Variants in PTCD3 observed in about 807,000 individuals in gnomAD.
PTCD3 encodes small ribosomal subunit protein mS39.
Under a neutral mutation model 101.9 loss-of-function variants are expected in PTCD3, and 89 were observed. The observed-to-expected ratio is 0.87, with a 90% CI of 0.74 to 1.04. The LOEUF (loss-of-function observed/expected upper bound fraction) is 1.04. PTCD3 is among the 50% of genes least tolerant of loss of function. The pLI is 0.00. For missense variants in PTCD3, 870 were observed against 828.2 expected (o/e 1.05, Z -0.62); for synonymous variants, 296 against 278.5 (o/e 1.06, Z -0.63).
intron 7 of PTCD3, among the ~76,000 whole-genome samples, chr2:86,120,871 G>A (rs919985003): frequency 6.6e-6 from 1 of 152,178 alleles, no homozygotes; most frequent in Non-Finnish European, 1.5e-5. Flanking sequence ...CAGCCTGGGC[G>A]ACAGAATGAG....
chr2:86,111,977 C>T (rs1674093994), intron 4 of PTCD3: 1 of 151,636 alleles, frequency 6.6e-6, no homozygotes, highest in Admixed American at 6.6e-5. Flanking sequence ...CTCCTGACCT[C>T]AGGTGATCCA....
intron 12 of PTCD3, among the ~76,000 whole-genome samples, chr2:86,126,298 G>T (rs998888152): frequency 2.0e-5 from 3 of 151,880 alleles, no homozygotes; most frequent in African/African-American, 7.3e-5. Flanking sequence ...CATGTGTATG[G>T]CAGTCACTGT....
chr2:86,127,623 G>C (rs1219204623), intron 13 of PTCD3: 1 of 472,192 alleles, frequency 2.1e-6, no homozygotes, highest in Admixed American at 3.9e-5. Context: ...GTGTGTGCTA[G>C]TGTATTGTAT....
chr2:86,132,139 TAATA>T (rs909147142), intron 16 of PTCD3, among the ~76,000 whole-genome samples, 175 bp from the exon 17 acceptor site: 1 of 152,218 alleles, frequency 6.6e-6, no homozygotes, highest in Non-Finnish European at 1.5e-5. Context: ...AATAATATTG[TAATA>T]AATTTCACAG....
chr2:86,135,874 C>T, intron 21 of PTCD3: 1 of 515,838 alleles, frequency 1.9e-6, no homozygotes, highest in South Asian at 1.4e-5. Flanking sequence ...TACAACCAGG[C>T]TGTGATGATT....
At chr2:86,131,986 T>C (rs1383239268) in intron 16 of PTCD3, among the ~76,000 whole-genome samples, 3 of 152,188 alleles carry the variant, frequency 2.0e-5, no homozygotes, top group African/African-American at 4.8e-5. Context: ...GTAAGAACCA[T>C]AACTTAACTT....
chr2:86,133,511 T>C lies in PTCD3; in HGVS notation c.1543+75T>C. 2.9e-6 allele frequency: 4 copies of C among 1,366,366 alleles called. 1 individual carries two copies. In the South Asian group the frequency reaches 5.0e-5, roughly 17 times the overall value. The allele number at this position is 1,366,366 out of a possible 1,614,324, so 84.6% of individuals were successfully genotyped here. On this transcript the variant is annotated intron_variant, in intron 19 of 23. Coordinates refer to ENST00000254630, the MANE Select transcript of PTCD3 (RefSeq NM_017952.6). ...TACTTTGATAATGAATGTGCTAACA[T>C]TACTGTTAGGGATGAAAACTTCCAT...
chr2:86,134,992 G>A lies in PTCD3; in HGVS notation c.1778+5G>A. On this transcript the variant is annotated splice_donor_5th_base_variant and intron_variant, in intron 21 of 23. Coordinates refer to ENST00000254630, the MANE Select transcript of PTCD3 (RefSeq NM_017952.6). ...TGGGAGAACTCAGGAAGCCTGGTGA[G>A]TACAGTACCACAAGTATACACTTTA... 3 of 1,613,470 alleles carry A rather than the reference G, an allele frequency of 1.9e-6. No individual in the cohort carries two copies. The highest frequency in any genetic ancestry group is 2.5e-6 in the Non-Finnish European group (3 of 1,179,516).
rs372715967 is a variant in PTCD3 at position 86,134,913 on chromosome 2, T to C, written c.1704T>C (p.Ala568=). 1.4e-5 allele frequency: 22 copies of C among 1,614,052 alleles called. No individual in the cohort carries two copies. The highest frequency in any genetic ancestry group is 1.8e-5 in the Non-Finnish European group (21 of 1,180,018). ...AAAGCCAACCCATCAGACAGACTGC[T>C]CAGGATTGGCCAGCCACCTCTCTCA... ...AYESQPIRQT[A]QDWPATSLNC... Residue 568 remains alanine, a synonymous_variant, in exon 21 of 24, where the codon GCT becomes GCC. Transcript: ENST00000254630.
rs943910271 is a variant in PTCD3, at chr2:86,140,635, C to T, written c.*3076C>T. 1.3e-5 allele frequency: 2 copies of T among 152,110 alleles called. No homozygotes were observed. The highest frequency in any genetic ancestry group is 2.9e-5 in the Non-Finnish European group (2 of 68,034). 9.4% of individuals were successfully genotyped at this position (152,110 alleles called of 1,614,324 possible). A position where few individuals can be genotyped will look rare whatever the true frequency, so the allele number is the denominator to read the frequency against. ...GTTTTATACAACCATTTAGATTCAA[C>T]ATTAATGGTAGAGTGGCATTTTACC... On this transcript the variant is annotated 3_prime_UTR_variant, in exon 24 of 24. Transcript: ENST00000254630.
intron 3 of PTCD3, among the ~76,000 whole-genome samples, chr2:86,110,807 T>C (rs1075622): frequency 0.72 from 110,087 of 152,074 alleles, 42,248 homozygotes; most frequent in Non-Finnish European, 0.85. Context: ...TAAGAATCCA[T>C]AGGAAAGTGG....
Position 86,141,073 on chromosome 2 carries a change from C to CT in PTCD3, c.*3515dup, listed in dbSNP as rs1370346733. The CT allele has an allele frequency of 2.0e-5, 3 of 152,300 alleles. No individual in the cohort carries two copies. Among genetic ancestry groups the CT allele is most frequent in the African/African-American group, 4.8e-5 (2 of 41,574 alleles). 9.4% of individuals were successfully genotyped at this position (152,300 alleles called of 1,614,324 possible). ...TGACAGAATTTACTCCCAGGACAAT[C>CT]TAAGTTCTGCCACAAGTACCCGTGG... On this transcript the variant is annotated 3_prime_UTR_variant, in exon 24 of 24. Transcript: ENST00000254630.
rs762755973 is a variant in PTCD3 at position 86,134,339 on chromosome 2, A to C, written c.1591A>C (p.Ile531Leu). Residue 531 changes from isoleucine to leucine, a missense_variant, in exon 20 of 24, where the codon ATC becomes CTC. Physicochemically the swap from Ile to Leu is conservative, Grantham distance 5 (BLOSUM62 2). Transcript: ENST00000254630. ...TTTCCGCAGTGACCTGAGAGAAGAG[A>C]TCCTGATGCTCATGGCAAGGGACAA... ...HTFRSDLREE[I>L]LMLMARDKHP... 6.2e-7 allele frequency: 1 copy of C among 1,613,586 alleles called. No homozygotes were observed. The highest frequency in any genetic ancestry group is 1.3e-5 in the African/African-American group (1 of 74,910).
In PTCD3 at chr2:86,138,262, C is replaced by G. The variant is rs2104465052; in HGVS notation, c.*703C>G. The G allele has an allele frequency of 6.6e-6, 1 of 152,156 alleles. No individual in the cohort carries two copies. The highest frequency in any genetic ancestry group is 1.9e-4 in the East Asian group (1 of 5,164). 9.4% of individuals were successfully genotyped at this position (152,156 alleles called of 1,614,324 possible). A position where few individuals can be genotyped will look rare whatever the true frequency, so the allele number is the denominator to read the frequency against. On this transcript the variant is annotated 3_prime_UTR_variant, in exon 24 of 24. Coordinates refer to ENST00000254630, the MANE Select transcript of PTCD3 (RefSeq NM_017952.6). ...CCTATTTTAGTGGTTGAAATGAGAG[C>G]TAGTGATGACAGAAGGATGTGGAAT...
intron 14 of PTCD3, among the ~76,000 whole-genome samples, chr2:86,129,540 T>C (rs552964475): frequency 2.0e-4 from 31 of 151,390 alleles, no homozygotes; most frequent in Non-Finnish European, 4.1e-4. Context: ...TACTCAGGAG[T>C]GTGAGGCAGG....
chr2:86,123,742 T>A lies in PTCD3; in HGVS notation c.696T>A (p.His232Gln), dbSNP rs1674335150. The part of the protein sequence containing the change: ...NDETSRRKAG[H>Q]QFGVTWRAKN... ...AGACATCTAGGAGGAAAGCTGGTCA[T>A]CAGTTTGGAGTTACATGGCGGTATG... Residue 232 changes from histidine (H) to glutamine (Q), a missense_variant, in exon 9 of 24, where the codon CAT becomes CAA. His to Gln is a conservative substitution (Grantham distance 24). Transcript: ENST00000254630. The A allele has an allele frequency of 6.2e-7, 1 of 1,602,450 alleles. No homozygotes were observed. The highest frequency in any genetic ancestry group is 2.2e-5 in the East Asian group (1 of 44,510).
At position 86,137,072 on chromosome 2, in the gene PTCD3, C is replaced by T. The variant is rs746423190; in HGVS notation, c.1911C>T (p.Phe637=). 1.6e-5 allele frequency: 26 copies of T among 1,613,096 alleles called. No homozygotes were observed. Among genetic ancestry groups the T allele is most frequent in the South Asian group, 1.1e-4 (10 of 90,774 alleles). ...AIEVVELASA[F]SLPICEGLTQ... is the part of the protein sequence containing the mutation. Reference sequence around the variant, plus strand: ...AAGTAGTAGAGCTGGCAAGTGCCTTCAGCTTACCTATTTGTGAGGGCCTCA... The same window carrying T: ...AAGTAGTAGAGCTGGCAAGTGCCTTTAGCTTACCTATTTGTGAGGGCCTCA... The change falls in exon 23 of 24, where the codon TTC becomes TTT. Residue 637 remains phenylalanine, a synonymous_variant. Transcript: ENST00000254630.
chr2:86,127,883 T>G, intron 13 of PTCD3, 58 bp from the exon 14 acceptor site: 1 of 1,332,718 alleles, frequency 7.5e-7, no homozygotes, highest in Non-Finnish European at 1.1e-6. Flanking sequence ...AAACTATGTT[T>G]TGGATTGCTG....
intron 15 of PTCD3, 40 bp downstream of exon 15, chr2:86,130,777 C>T: frequency 6.2e-7 from 1 of 1,606,934 alleles, no homozygotes; most frequent in Non-Finnish European, 8.5e-7. Context: ...CCTCTAAAGA[C>T]AGAGGGCCGG....
Sources: allele counts gnomAD v4.1 joint callset (sites outside exome capture counted in the v4.1 genomes callset), GRCh38; gene constraint gnomAD v4.1.1; transcripts MANE v1.5; gene names NCBI Gene and HGNC (gene_info 2026-07-23, HGNC 2026-07-21).